The following EPG5 variants were observed in gnomAD, a reference collection of about 807,000 sequenced individuals.
EPG5 encodes the protein ectopic P granules protein 5 homolog.
A neutral mutation model predicts 302.7 loss-of-function variants in EPG5; 159 were observed. That is an observed-to-expected ratio of 0.53 (90% confidence interval 0.46 to 0.60). EPG5 has a LOEUF of 0.60. Among genes scored for constraint, EPG5 ranks in the 20% least tolerant of loss-of-function variants. The probability of loss-of-function intolerance (pLI) is 0.00; values close to 1 mark genes in which losing one functional copy is unlikely to be tolerated. For synonymous variants in EPG5, 1,158 were observed against 1,136.8 expected, an observed-to-expected ratio of 1.02 and a Z score of -0.37; for missense variants, 2,896 against 3,092.4, an observed-to-expected ratio of 0.94 and a Z score of 1.51.
chr18:45,964,716 C>A (rs1244486033), intron 1 of EPG5, among the ~76,000 whole-genome samples: 2 of 152,052 alleles, frequency 1.3e-5, no homozygotes, highest in Non-Finnish European at 2.9e-5. Context: ...GCCTGTAATC[C>A]CAGCACTGTG....
At chr18:45,935,596 T>A (rs1291400804) in intron 10 of EPG5, among the ~76,000 whole-genome samples, 1 of 97,700 alleles carries the variant, frequency 1.0e-5, no homozygotes, top group Non-Finnish European at 1.7e-5. Flanking sequence ...CACAGGCTAC[T>A]AAGGCGCACA....
chr18:45,954,319 A>C, intron 2 of EPG5, 75 bp downstream of exon 2: 1 of 1,372,698 alleles, frequency 7.3e-7, no homozygotes, highest in Non-Finnish European at 1.0e-6. Context: ...GGTGTAAGGC[A>C]CAGACTCCAG....
chr18:45,907,805 C>T, intron 24 of EPG5, 153 bp downstream of exon 24: 2 of 689,164 alleles, frequency 2.9e-6, no homozygotes. Context: ...TCCATATAAT[C>T]ACTTAGATAC....
chr18:45,827,955 C>T, the EPG5 span, among the ~76,000 whole-genome samples: 3 of 152,348 alleles, frequency 2.0e-5, no homozygotes, highest in South Asian at 2.1e-4. Flanking sequence ...AAGCCACTCG[C>T]GTGAGCCGAC....
At chr18:45,942,049 C>T (rs544930653) in intron 9 of EPG5, among the ~76,000 whole-genome samples, 3 of 152,112 alleles carry the variant, frequency 2.0e-5, no homozygotes, top group Admixed American at 1.3e-4. Context: ...CATGGTGAAA[C>T]CCCATCTCTA....
At chr18:45,882,523 G>T in intron 30 of EPG5, 36 bp from the exon 31 acceptor site, 1 of 1,558,380 alleles carries the variant, frequency 6.4e-7, no homozygotes, top group Non-Finnish European at 8.7e-7. Context: ...CGTTTTATTT[G>T]CACTAGAAAA....
chr18:45,960,823 T>G (rs1276416173), intron 1 of EPG5, among the ~76,000 whole-genome samples: 2 of 152,144 alleles, frequency 1.3e-5, no homozygotes, highest in Non-Finnish European at 2.9e-5. Flanking sequence ...CATTTAAAAC[T>G]AAAGTTTTTT....
At position 45,855,607 on chromosome 18, in the gene EPG5, C is replaced by T. The variant is rs751623844; in HGVS notation, c.7523G>A (p.Gly2508Asp). ...TTTGGGGGTCAGATGTAATTCAGAGCCAGGCCTCAAACGGATCTGATCTTC... is the reference window on the plus strand; with the variant it reads ...TTTGGGGGTCAGATGTAATTCAGAGTCAGGCCTCAAACGGATCTGATCTTC... ...PMEDQIRLRP[G>D]SELHLTPKAQ... Residue 2508 changes from glycine to aspartate, a missense_variant, in exon 43 of 44, where the codon GGC becomes GAC. Physicochemically the swap from Gly to Asp is moderately conservative, Grantham distance 94. Around this residue, in one of 5 missense-constraint regions of EPG5, gnomAD observed 620 missense variants for 704.2 expected, o/e 0.88. Coordinates refer to ENST00000282041, the MANE Select transcript of EPG5 (RefSeq NM_020964.3). The T allele has an allele frequency of 1.1e-5, 17 of 1,613,988 alleles. No homozygotes were observed. In the Admixed American group the frequency reaches 2.0e-4, roughly 19 times the overall value.
intron 7 of EPG5, among the ~76,000 whole-genome samples, chr18:45,945,913 C>T (rs566177841): frequency 9.2e-5 from 14 of 152,304 alleles, no homozygotes; most frequent in Non-Finnish European, 1.8e-4. Context: ...ACAGCTGCCA[C>T]GGCTGTCATT....
chr18:45,946,803 A>G (rs1438435741), intron 6 of EPG5, 35 bp from the exon 7 acceptor site: 1 of 1,536,182 alleles, frequency 6.5e-7, no homozygotes, highest in Non-Finnish European at 9.0e-7. Context: ...CATCACTTAG[A>G]TGTAGGCTAC....
At chr18:45,819,510 G>A in the EPG5 span, among the ~76,000 whole-genome samples, 1 of 152,226 alleles carries the variant, frequency 6.6e-6, no homozygotes, top group South Asian at 2.1e-4. Context: ...GTTGGGGTGA[G>A]GATTTAGGGA....
intron 36 of EPG5, among the ~76,000 whole-genome samples, chr18:45,870,333 CATATT>C (rs2145306342): frequency 6.6e-6 from 1 of 152,234 alleles, no homozygotes; most frequent in Admixed American, 6.5e-5. Context: ...GGATGACTGA[CATATT>C]ATAGATAAAA....
the EPG5 span, among the ~76,000 whole-genome samples, chr18:45,831,380 T>G: frequency 6.6e-6 from 1 of 152,254 alleles, no homozygotes; most frequent in Non-Finnish European, 1.5e-5. Flanking sequence ...TCTTGCTGCT[T>G]TCCAAGAGTC....
At chr18:45,865,021 C>T (rs1432104858) in intron 39 of EPG5, among the ~76,000 whole-genome samples, 2 of 152,136 alleles carry the variant, frequency 1.3e-5, no homozygotes, top group Non-Finnish European at 2.9e-5. Context: ...GGCTTTACCA[C>T]CTCCCCCTAA....
Position 45,899,553 on chromosome 18 carries a change from G to C in EPG5, c.4660C>G (p.Arg1554Gly), listed in dbSNP as rs749496135. 1 of 1,613,886 alleles carries C rather than the reference G, an allele frequency of 6.2e-7. No individual in the cohort carries two copies. The change falls in exon 27 of 44, where the codon CGG (arginine) becomes GGG (glycine). Residue 1554 changes from arginine (R) to glycine (G), a missense_variant. By Grantham distance (125) the Arg-to-Gly change is moderately radical (BLOSUM62 -2). Coordinates refer to ENST00000282041, the MANE Select transcript of EPG5 (RefSeq NM_020964.3). ...TCCAGAGCAACCTGCTGAGATTCCC[G>C]AAGAGCTGCGGTTCTGAAAAACATC... is the stretch of plus-strand genomic sequence containing the variant. ...LQQQARTAAL[R>G]ESQQVALDGE...
chr18:45,955,367 A>G (rs995913841), intron 1 of EPG5, 29 bp from the exon 2 acceptor site: 1 of 1,386,116 alleles, frequency 7.2e-7, no homozygotes, highest in Non-Finnish European at 9.7e-7. Flanking sequence ...ATGTGAAATA[A>G]TTTATCACAA....
rs569550230 is a variant in EPG5 at position 45,915,479 on chromosome 18, A to G, written c.3693+32T>C. 1.0e-5 allele frequency: 15 copies of G among 1,452,140 alleles called. No homozygotes were observed. In the Middle Eastern group the frequency reaches 1.2e-3, roughly 117 times the overall value. The allele number at this position is 1,452,140 out of a possible 1,614,324, so 90.0% of individuals were successfully genotyped here. On this transcript the variant is annotated intron_variant, in intron 20 of 43. Coordinates refer to ENST00000282041, the MANE Select transcript of EPG5 (RefSeq NM_020964.3). ...GATCATGAGATTAAAGTTCACAAAG[A>G]TAACAAATGATCCTCTCAGTGAGTT...
At chr18:45,826,193 T>C in the EPG5 span, among the ~76,000 whole-genome samples, 1 of 151,776 alleles carries the variant, frequency 6.6e-6, no homozygotes, top group Non-Finnish European at 1.5e-5. Flanking sequence ...GCATGGGCGT[T>C]TGGGGACAGT....
the EPG5 span, chr18:45,838,645 C>A: frequency 3.5e-6 from 5 of 1,449,048 alleles, no homozygotes; most frequent in South Asian, 1.4e-5. Context: ...AGCCCCCACC[C>A]CTCCGGCTCT....
Sources: allele counts gnomAD v4.1 joint callset (sites outside exome capture counted in the v4.1 genomes callset), GRCh38; gene constraint gnomAD v4.1.1; regional missense constraint gnomAD v4.1.1; transcripts MANE v1.5; gene names NCBI Gene and HGNC (gene_info 2026-07-23, HGNC 2026-07-21).